Variants in ZNF91 observed in about 807,000 individuals in gnomAD.
ZNF91 encodes the protein zinc finger protein 91, also known as zinc finger protein 91 (HPF7, HTF10).
ZNF91 carries 7 observed loss-of-function variants against 12.6 expected under a neutral mutation model. That is an observed-to-expected ratio of 0.55 (90% confidence interval 0.31 to 1.04). The LOEUF (loss-of-function observed/expected upper bound fraction) is 1.04, where lower values mean the gene tolerates loss of function less well. Ranked by LOEUF, ZNF91 falls within the 50% of genes least tolerant of loss-of-function variation. The probability of loss-of-function intolerance (pLI) is 0.05; values close to 1 mark genes in which losing one functional copy is unlikely to be tolerated. For missense variants in ZNF91, 1,217 were observed against 1,385.4 expected, an observed-to-expected ratio of 0.88 and a Z score of 1.93; for synonymous variants, 453 against 462.6, an observed-to-expected ratio of 0.98 and a Z score of 0.27.
chr19:23,317,051 C>CT (rs1006599973), intron 1 of ZNF91, among the ~76,000 whole-genome samples: 194 of 145,304 alleles, frequency 1.3e-3, no homozygotes, highest in African/African-American at 2.8e-3. Flanking sequence ...CTTTTCTTTT[C>CT]TTTTTTTTTT....
intron 3 of ZNF91, among the ~76,000 whole-genome samples, chr19:23,373,374 ATATATATATAT>A (rs1568395237): frequency 3.5e-4 from 30 of 86,522 alleles, no homozygotes; most frequent in South Asian, 1.6e-3. Flanking sequence ...ATATATATAT[ATATATATATAT>A]AAATAAACAG....
At chr19:23,365,228 AAAG>A (rs1282061943) in intron 3 of ZNF91, among the ~76,000 whole-genome samples, 13 of 152,058 alleles carry the variant, frequency 8.5e-5, no homozygotes, top group Admixed American at 1.3e-4. Flanking sequence ...TTCACTTTAA[AAAG>A]AAGATGAAAA....
In ZNF91 at chr19:23,359,569, T is replaced by A; in HGVS notation, c.3410A>T (p.Glu1137Val). The change falls in exon 4 of 4, where the codon GAA becomes GTA. Residue 1137 changes from glutamate to valine, a missense_variant. Glu to Val is a moderately radical substitution (Grantham distance 121). Coordinates refer to ENST00000300619, the MANE Select transcript of ZNF91 (RefSeq NM_003430.4). ...IHTGEKPYKC[E>V]KCGKAFNQSS... is the part of the protein sequence containing the mutation. ...CTGGTTAAAGGCTTTGCCACATTTT[T>A]CACATTTGTAGGGTTTCTCTCCAGT... 3.1e-6 allele frequency: 5 copies of A among 1,614,064 alleles called. No homozygotes were observed. Among genetic ancestry groups the A allele is most frequent in the Non-Finnish European group, 4.2e-6 (5 of 1,179,944 alleles).
At chr19:23,350,964 C>T (rs924083296) in intron 3 of ZNF91, among the ~76,000 whole-genome samples, 2 of 152,132 alleles carry the variant, frequency 1.3e-5, no homozygotes, top group Non-Finnish European at 2.9e-5. Flanking sequence ...TGTTGGCACG[C>T]TCTCAGGGTT....
chr19:23,373,608 T>C (rs1969382738), intron 3 of ZNF91, 134 bp downstream of exon 3: 1 of 599,730 alleles, frequency 1.7e-6, no homozygotes, highest in African/African-American at 1.9e-5. Context: ...GATAGCATAA[T>C]TTAAAAAAAA....
At position 23,395,308 on chromosome 19, in the gene ZNF91, G is replaced by A; in HGVS notation, c.30+17C>T. On this transcript the variant is annotated intron_variant, in intron 1 of 3. Transcript: ENST00000300619. ...GCCCCGTTCCCTCTCTCGGGACGTC[G>A]CACCTGGCAGTCTCACCATTTCTAG... 6.2e-7 allele frequency: 1 copy of A among 1,612,688 alleles called. No individual in the cohort carries two copies. The highest frequency in any genetic ancestry group is 8.5e-7 in the Non-Finnish European group (1 of 1,179,436).
intron 3 of ZNF91, among the ~76,000 whole-genome samples, chr19:23,349,272 T>C (rs1213987646): frequency 1.3e-5 from 2 of 152,190 alleles, no homozygotes; most frequent in African/African-American, 2.4e-5. Flanking sequence ...TTGTTGGTTT[T>C]GTGGCTTGGG....
chr19:23,373,387 A>ATATATATAT lies in ZNF91; in HGVS notation c.253+354_253+355insATATATATA, dbSNP rs1568395319. On this transcript the variant is annotated intron_variant, in intron 3 of 3. Coordinates refer to ENST00000300619, the MANE Select transcript of ZNF91 (RefSeq NM_003430.4). ...ATATATATATATATATATATATATA[A>ATATATATAT]ATAAACAGTACTTTAAAACCTGTTT... is the stretch of plus-strand genomic sequence containing the variant. Among the ~76,000 whole-genome samples the ATATATATAT allele has an allele frequency of 4.7e-3, 366 of 78,002 alleles. 10 individuals are homozygous for ATATATATAT. Among genetic ancestry groups the ATATATATAT allele is most frequent in the Non-Finnish European group, 8.3e-3 (273 of 32,762 alleles). 51.2% of individuals were successfully genotyped at this position (78,002 alleles called of 152,430 possible).
At chr19:23,342,874 G>A (rs1968152948) in intron 3 of ZNF91, among the ~76,000 whole-genome samples, 1 of 151,858 alleles carries the variant, frequency 6.6e-6, no homozygotes, top group Admixed American at 6.6e-5. Context: ...TATGGCCAAA[G>A]CCTTGAATGT....
intron 1 of ZNF91, among the ~76,000 whole-genome samples, chr19:23,319,120 C>T (rs1277409983): frequency 6.6e-6 from 1 of 152,196 alleles, no homozygotes; most frequent in Non-Finnish European, 1.5e-5. Flanking sequence ...TCAGTGAGTA[C>T]TGTGACATAT....
At chr19:23,390,521 C>A (rs1468138015) in intron 1 of ZNF91, among the ~76,000 whole-genome samples, 1 of 152,100 alleles carries the variant, frequency 6.6e-6, no homozygotes, top group Non-Finnish European at 1.5e-5. Context: ...CCACGCCCGA[C>A]TAATTTTTGT....
chr19:23,393,310 C>T (rs1352731820), intron 1 of ZNF91, among the ~76,000 whole-genome samples: 1 of 152,092 alleles, frequency 6.6e-6, no homozygotes, highest in Non-Finnish European at 1.5e-5. Context: ...TGCCTCTCAG[C>T]CTCAGGGCAT....
intron 1 of ZNF91, among the ~76,000 whole-genome samples, chr19:23,392,151 G>T (rs1307282966): frequency 6.6e-6 from 1 of 151,858 alleles, no homozygotes; most frequent in Non-Finnish European, 1.5e-5. Context: ...ATTCCAGCAC[G>T]TTGGGAGGCT....
At chr19:23,319,906 G>A (rs1393957928) in intron 1 of ZNF91, among the ~76,000 whole-genome samples, 1 of 152,072 alleles carries the variant, frequency 6.6e-6, no homozygotes, top group Non-Finnish European at 1.5e-5. Context: ...CAAGGCTCAG[G>A]GAAAAAGGTA....
intron 1 of ZNF91, among the ~76,000 whole-genome samples, chr19:23,331,971 CA>C (rs1967935105): frequency 6.6e-6 from 1 of 152,174 alleles, no homozygotes; most frequent in African/African-American, 2.4e-5. Flanking sequence ...AACAGAAATC[CA>C]GTCCTAACCA....
chr19:23,358,250 C>G lies in ZNF91; in HGVS notation c.*1153G>C, dbSNP rs577443087. 1 of 152,226 alleles carries G rather than the reference C, an allele frequency of 6.6e-6. No individual in the cohort carries two copies. The highest frequency in any genetic ancestry group is 1.9e-4 in the East Asian group (1 of 5,188). The allele number at this position is 152,226 out of a possible 1,614,324, so 9.4% of individuals were successfully genotyped here. A position where few individuals can be genotyped will look rare whatever the true frequency, so the allele number is the denominator to read the frequency against. The stretch of plus-strand genomic sequence containing the variant: ...ATTTAAAAATATGCTACATATATTT[C>G]ATAAAAATACAATAAATCATACTAA... On this transcript the variant is annotated 3_prime_UTR_variant, in exon 4 of 4. Transcript: ENST00000300619.
chr19:23,369,686 T>C (rs1374950583), intron 3 of ZNF91, among the ~76,000 whole-genome samples: 1 of 152,094 alleles, frequency 6.6e-6, no homozygotes, highest in African/African-American at 2.4e-5. Context: ...CTTGGGATGC[T>C]GTTGATCTAT....
downstream of ZNF91, among the ~76,000 whole-genome samples, chr19:23,357,087 C>T (rs1302945176): frequency 1.3e-5 from 2 of 152,100 alleles, no homozygotes; most frequent in East Asian, 1.9e-4. Flanking sequence ...ATGAGCCGGG[C>T]GTGGTGATGC....
Position 23,359,209 on chromosome 19 carries a change from T to C in ZNF91, c.*194A>G. On this transcript the variant is annotated 3_prime_UTR_variant, in exon 4 of 4. Coordinates refer to ENST00000300619, the MANE Select transcript of ZNF91 (RefSeq NM_003430.4). ...ACATTCTTTATATTTGTAGGGTTTC[T>C]CTCTAGTATGAATTTTCTTTTTTTT... The C allele has an allele frequency of 4.1e-6, 2 of 493,550 alleles. No individual in the cohort carries two copies. Among genetic ancestry groups the C allele is most frequent in the Non-Finnish European group, 7.4e-6 (2 of 271,382 alleles). 30.6% of individuals were successfully genotyped at this position (493,550 alleles called of 1,614,324 possible).
Sources: allele counts gnomAD v4.1 joint callset (sites outside exome capture counted in the v4.1 genomes callset), GRCh38; gene constraint gnomAD v4.1.1; transcripts MANE v1.5; gene names NCBI Gene and HGNC (gene_info 2026-07-23, HGNC 2026-07-21).